SNX3: variants seen among roughly 807,000 people sequenced by gnomAD.
The protein encoded by SNX3 is sorting nexin 3, also known as sorting nexin-3.
SNX3 carries 5 observed loss-of-function variants against 17.7 expected under a neutral mutation model. The observed-to-expected ratio is 0.28, with a 90% CI of 0.15 to 0.59. The LOEUF is 0.59. SNX3 is among the 20% of genes least tolerant of loss of function. The pLI, the probability that SNX3 is intolerant of heterozygous loss-of-function variation, is 0.88. For missense variants in SNX3, 132 were observed against 206.8 expected, an observed-to-expected ratio of 0.64 and a Z score of 2.22; for synonymous variants, 91 against 76.5, an observed-to-expected ratio of 1.19 and a Z score of -0.99.
At chr6:108,245,776 T>C (rs1158723116) in intron 1 of SNX3, among the ~76,000 whole-genome samples, 2 of 152,242 alleles carry the variant, frequency 1.3e-5, no homozygotes, top group South Asian at 4.1e-4. Context: ...GTTCATATCC[T>C]TTGCCCACTT....
intron 1 of SNX3, among the ~76,000 whole-genome samples, chr6:108,234,837 T>A (rs912973684): frequency 6.6e-6 from 1 of 152,230 alleles, no homozygotes; most frequent in African/African-American, 2.4e-5. Context: ...GGCTTTAATC[T>A]GGATTCCTGC....
chr6:108,218,556 A>G (rs1445192845), intron 2 of SNX3, among the ~76,000 whole-genome samples: 1 of 152,248 alleles, frequency 6.6e-6, no homozygotes, highest in Non-Finnish European at 1.5e-5. Flanking sequence ...TGCAGACAGA[A>G]ACCTATGCAC....
intron 1 of SNX3, among the ~76,000 whole-genome samples, chr6:108,240,375 C>T (rs879301102): frequency 4.6e-5 from 7 of 152,164 alleles, no homozygotes; most frequent in East Asian, 1.9e-4. Context: ...CCCACCACCA[C>T]GCCTGGCTAA....
chr6:108,221,346 C>A (rs1389894436), intron 2 of SNX3, among the ~76,000 whole-genome samples: 1 of 151,590 alleles, frequency 6.6e-6, no homozygotes, highest in Non-Finnish European at 1.5e-5. Flanking sequence ...CTTCAACAAC[C>A]CCCTCCCCCG....
intron 1 of SNX3, among the ~76,000 whole-genome samples, chr6:108,224,080 T>C (rs1319004545): frequency 6.6e-6 from 1 of 152,164 alleles, no homozygotes; most frequent in Non-Finnish European, 1.5e-5. Context: ...TCATTCATCA[T>C]AGCAAAACCC....
At chr6:108,238,388 A>G (rs1183908360) in intron 1 of SNX3, among the ~76,000 whole-genome samples, 1 of 152,178 alleles carries the variant, frequency 6.6e-6, no homozygotes, top group African/African-American at 2.4e-5. Flanking sequence ...TGTATATACA[A>G]TGTTTTAGGC....
intron 1 of SNX3, among the ~76,000 whole-genome samples, chr6:108,256,246 T>C (rs748149732): frequency 6.6e-6 from 1 of 152,072 alleles, no homozygotes; most frequent in South Asian, 2.1e-4. Flanking sequence ...AATAAATACA[T>C]ACACAAAGGT....
chr6:108,215,899 A>T (rs1315869744), intron 2 of SNX3, among the ~76,000 whole-genome samples: 1 of 152,132 alleles, frequency 6.6e-6, no homozygotes, highest in Non-Finnish European at 1.5e-5. Flanking sequence ...GCTGCACTCC[A>T]GCCTAGGTGA....
chr6:108,224,056 T>C (rs1244854812), intron 1 of SNX3, among the ~76,000 whole-genome samples: 2 of 152,164 alleles, frequency 1.3e-5, no homozygotes, highest in South Asian at 2.1e-4. Flanking sequence ...TTTAAAATTT[T>C]ATTTTCTTGG....
At position 108,212,164 on chromosome 6, in the gene SNX3, T is replaced by C. The variant is rs754337511; in HGVS notation, c.474A>G (p.Lys158=). Residue 158 remains lysine, a synonymous_variant, in exon 4 of 4, where the codon AAA becomes AAG. Coordinates refer to ENST00000230085, the MANE Select transcript of SNX3 (RefSeq NM_003795.6). ...EIIDKSYTPS[K]IRHA is the part of the protein sequence containing the mutation. ...TTGCCAAATTTCAGGCATGTCTTAT[T>C]TTAGATGGAGTATAGCTTTTATCTA... 10 of 1,596,562 alleles carry C rather than the reference T, an allele frequency of 6.3e-6. No homozygotes were observed. The highest frequency in any genetic ancestry group is 3.5e-5 in the Admixed American group (2 of 56,462).
intron 1 of SNX3, among the ~76,000 whole-genome samples, chr6:108,250,458 C>A (rs1161540441): frequency 6.6e-6 from 1 of 152,098 alleles, no homozygotes; most frequent in Admixed American, 6.5e-5. Flanking sequence ...ATTTGCCAAC[C>A]CTTGCTCTAT....
chr6:108,247,567 C>T (rs893208430), intron 1 of SNX3, among the ~76,000 whole-genome samples: 1 of 151,732 alleles, frequency 6.6e-6, no homozygotes, highest in Non-Finnish European at 1.5e-5. Flanking sequence ...AAAAAAACAA[C>T]GTTTAAGTCT....
intron 1 of SNX3, among the ~76,000 whole-genome samples, chr6:108,258,034 G>A (rs901272028): frequency 6.6e-6 from 1 of 152,062 alleles, no homozygotes; most frequent in Non-Finnish European, 1.5e-5. Context: ...ACTCAATTAG[G>A]TTTTCACATA....
intron 2 of SNX3, among the ~76,000 whole-genome samples, chr6:108,218,974 G>A (rs1774670259): frequency 6.6e-6 from 1 of 152,210 alleles, no homozygotes; most frequent in African/African-American, 2.4e-5. Flanking sequence ...ACAACTCTGT[G>A]AACATATTAA....
chr6:108,246,313 CTTTTTTTT>C (rs71015538), intron 1 of SNX3, among the ~76,000 whole-genome samples: 25 of 47,986 alleles, frequency 5.2e-4, no homozygotes, highest in South Asian at 2.8e-3. Flanking sequence ...TTTGAGCATT[CTTTTTTTT>C]TTTTTTTTTT....
intron 1 of SNX3, among the ~76,000 whole-genome samples, chr6:108,228,634 C>T (rs963692520): frequency 6.6e-6 from 1 of 152,124 alleles, no homozygotes; most frequent in Admixed American, 6.5e-5. Flanking sequence ...GAGGCTGAGG[C>T]TGCATGAGCT....
At chr6:108,248,687 A>C (rs1215159222) in intron 1 of SNX3, among the ~76,000 whole-genome samples, 3 of 152,226 alleles carry the variant, frequency 2.0e-5, no homozygotes. Flanking sequence ...AAACTAAGAC[A>C]AAAATTCTAT....
At chr6:108,232,799 TG>T (rs1455751766) in intron 1 of SNX3, among the ~76,000 whole-genome samples, 3 of 152,246 alleles carry the variant, frequency 2.0e-5, no homozygotes, top group Non-Finnish European at 4.4e-5. Flanking sequence ...AACTGAGAAG[TG>T]CTTAAGCTAT....
intron 1 of SNX3, among the ~76,000 whole-genome samples, chr6:108,229,335 C>T (rs10484900): frequency 0.05 from 7,605 of 151,252 alleles, 368 homozygotes; most frequent in Admixed American, 0.15. Flanking sequence ...ATGAAAAGCA[C>T]GGAAGAATTG....
Sources: allele counts gnomAD v4.1 joint callset (sites outside exome capture counted in the v4.1 genomes callset), GRCh38; gene constraint gnomAD v4.1.1; transcripts MANE v1.5; gene names NCBI Gene and HGNC (gene_info 2026-07-23, HGNC 2026-07-21).